The following NFKB1 variants were observed in gnomAD, a reference collection of about 807,000 sequenced individuals.
NFKB1 encodes nuclear factor kappa B subunit 1.
In NFKB1, 9 loss-of-function variants were observed where a neutral mutation model predicts 105.1. The ratio of observed to expected loss-of-function variants is 0.09; its 90% CI spans 0.05 to 0.15. NFKB1 has a LOEUF of 0.15. NFKB1 is among the 10% of genes least tolerant of loss of function. NFKB1 has a pLI of 1.00. For synonymous variants in NFKB1, 440 were observed against 442.2 expected (o/e 1.00, Z 0.06); for missense variants, 830 against 1,203.7 (o/e 0.69, Z 4.59).
chr4:102,533,036 A>T (rs1741400307), intron 3 of NFKB1, among the ~76,000 whole-genome samples: 2 of 152,186 alleles, frequency 1.3e-5, no homozygotes, highest in Non-Finnish European at 2.9e-5. Flanking sequence ...TTGCGTTTTT[A>T]CAATAACTAA....
At chr4:102,551,142 A>C (rs1379769890) in intron 5 of NFKB1, among the ~76,000 whole-genome samples, 1 of 152,062 alleles carries the variant, frequency 6.6e-6, no homozygotes, top group African/African-American at 2.4e-5. Flanking sequence ...CCTTCCTTAC[A>C]TTTATGTAGC....
At chr4:102,612,816 A>T (rs1190724442) in intron 22 of NFKB1, among the ~76,000 whole-genome samples, 1 of 152,144 alleles carries the variant, frequency 6.6e-6, no homozygotes, top group Non-Finnish European at 1.5e-5. Context: ...CCCCGTTTTC[A>T]AATACCTGGA....
chr4:102,565,379 G>C (rs1430746900), intron 5 of NFKB1, among the ~76,000 whole-genome samples: 2 of 152,214 alleles, frequency 1.3e-5, no homozygotes, highest in Non-Finnish European at 2.9e-5. Flanking sequence ...CTTTGTTGAC[G>C]AGTGAAACTT....
At chr4:102,538,765 G>A (rs1350783476) in intron 5 of NFKB1, among the ~76,000 whole-genome samples, 1 of 152,180 alleles carries the variant, frequency 6.6e-6, no homozygotes, top group Admixed American at 6.5e-5. Context: ...GTCAACAATT[G>A]TAATTTAGTT....
At chr4:102,515,150 G>A (rs1300868177) in intron 1 of NFKB1, among the ~76,000 whole-genome samples, 49 of 116,760 alleles carry the variant, frequency 4.2e-4, no homozygotes, top group Non-Finnish European at 7.4e-4. Flanking sequence ...TCGCTCTGTC[G>A]CCCAGGCTGG....
At chr4:102,589,914 G>A (rs570600971) in intron 11 of NFKB1, among the ~76,000 whole-genome samples, 3 of 152,192 alleles carry the variant, frequency 2.0e-5, no homozygotes, top group African/African-American at 7.2e-5. Context: ...AGGCAGTAAC[G>A]GAACTCAAAA....
At chr4:102,506,006 C>T (rs760576134) in intron 1 of NFKB1, among the ~76,000 whole-genome samples, 1 of 152,018 alleles carries the variant, frequency 6.6e-6, no homozygotes, top group South Asian at 2.1e-4. Flanking sequence ...TATCTAAAGA[C>T]CACTTGAAGT....
At chr4:102,594,314 A>G (rs539093233) in intron 12 of NFKB1, among the ~76,000 whole-genome samples, 25 of 152,316 alleles carry the variant, frequency 1.6e-4, no homozygotes, top group Admixed American at 7.2e-4. Context: ...TGCTATACTG[A>G]ACCTCTGTCC....
At chr4:102,533,771 T>A in intron 3 of NFKB1, 74 bp from the exon 4 acceptor site, 1 of 1,263,664 alleles carries the variant, frequency 7.9e-7, no homozygotes, top group Non-Finnish European at 1.1e-6. Flanking sequence ...GTTTTTTACT[T>A]GCTTTACGTT....
At chr4:102,613,677 T>A in intron 23 of NFKB1, 96 bp downstream of exon 23, 1 of 1,389,532 alleles carries the variant, frequency 7.2e-7, no homozygotes, top group Non-Finnish European at 9.7e-7. Flanking sequence ...GTTTTCTTTC[T>A]CGTTTTCTGG....
rs140120771 is a variant in NFKB1 at position 102,539,166 on chromosome 4, A to T, written c.258+1210A>T. ...GCACAAGAATCGCTTGAACCTGGGA[A>T]GCGGAGGTTGCAGTGAGCCGAGACT... is the stretch of plus-strand genomic sequence containing the variant. On this transcript the variant is annotated intron_variant, in intron 5 of 23. Coordinates refer to ENST00000226574, the MANE Select transcript of NFKB1 (RefSeq NM_003998.4). Among the ~76,000 whole-genome samples, 22 of 147,766 alleles carry T rather than the reference A, an allele frequency of 1.5e-4. No individual in the cohort carries two copies. In the East Asian group the frequency reaches 4.5e-3, roughly 30 times the overall value.
chr4:102,592,588 G>C (rs535627065), intron 11 of NFKB1, among the ~76,000 whole-genome samples: 58 of 152,238 alleles, frequency 3.8e-4, no homozygotes, highest in Middle Eastern at 6.8e-3. Context: ...AAGACATTCT[G>C]TTGCACACTT....
At chr4:102,516,186 T>C (rs1740170503) in intron 1 of NFKB1, among the ~76,000 whole-genome samples, 2 of 152,150 alleles carry the variant, frequency 1.3e-5, no homozygotes, top group South Asian at 4.2e-4. Flanking sequence ...ATTTTTTTTT[T>C]CTCTAGCATT....
chr4:102,594,979 A>T lies in NFKB1; in HGVS notation c.1298A>T (p.His433Leu). The T allele has an allele frequency of 6.3e-7, 1 of 1,596,810 alleles. No individual in the cohort carries two copies. Among genetic ancestry groups the T allele is most frequent in the Non-Finnish European group, 8.6e-7 (1 of 1,165,932 alleles). ...GTTKSNAGMK[H>L]GTMDTESKKD... is the part of the protein sequence containing the mutation. ...ACTAAATCTAATGCTGGGATGAAGC[A>T]TGGTAAGTAATGCTTTGTTCTTAAT... The change falls in exon 13 of 24, where the codon CAT (histidine) becomes CTT (leucine). Residue 433 changes from histidine (H) to leucine (L), a missense_variant and splice_region_variant. Physicochemically the swap from His to Leu is moderately conservative, Grantham distance 99. Coordinates refer to ENST00000226574, the MANE Select transcript of NFKB1 (RefSeq NM_003998.4).
chr4:102,552,003 C>T (rs1722656411), intron 5 of NFKB1, among the ~76,000 whole-genome samples: 1 of 152,130 alleles, frequency 6.6e-6, no homozygotes, highest in Non-Finnish European at 1.5e-5. Context: ...CAACATGAAC[C>T]AGCAATGCAA....
chr4:102,591,977 T>C (rs1481426146), intron 11 of NFKB1, among the ~76,000 whole-genome samples: 3 of 152,214 alleles, frequency 2.0e-5, no homozygotes, highest in African/African-American at 4.8e-5. Flanking sequence ...TTGGAAGAAA[T>C]TGATTCCAGC....
intron 2 of NFKB1, among the ~76,000 whole-genome samples, chr4:102,526,428 C>T (rs1740916528): frequency 6.6e-6 from 1 of 151,948 alleles, no homozygotes; most frequent in African/African-American, 2.4e-5. Context: ...GTTGGATACC[C>T]TAAAAACCCT....
chr4:102,600,986 A>G lies in NFKB1; in HGVS notation c.1729A>G (p.Asn577Asp). 1 of 1,601,488 alleles carries G rather than the reference A, an allele frequency of 6.2e-7. No individual in the cohort carries two copies. The highest frequency in any genetic ancestry group is 1.1e-5 in the South Asian group (1 of 90,706). ...TGGTTTGATTTCTGATGACATTATC[A>G]ACATGAGAAATGATCTGTACCAGGT... is the stretch of plus-strand genomic sequence containing the variant. ...TSGLISDDIINMRNDLYQTPL... is the reference protein window; with the variant it reads ...TSGLISDDIIDMRNDLYQTPL... Residue 577 changes from asparagine to aspartate, a missense_variant, in exon 16 of 24, where the codon AAC (asparagine) becomes GAC (aspartate). Physicochemically the swap from Asn to Asp is conservative, Grantham distance 23 (BLOSUM62 1). Transcript: ENST00000226574.
At chr4:102,602,206 T>C (rs1283476138) in intron 16 of NFKB1, among the ~76,000 whole-genome samples, 1 of 152,088 alleles carries the variant, frequency 6.6e-6, no homozygotes, top group South Asian at 2.1e-4. Flanking sequence ...AATTAAAATA[T>C]CTATTTTCTT....
Sources: allele counts gnomAD v4.1 joint callset (sites outside exome capture counted in the v4.1 genomes callset), GRCh38; gene constraint gnomAD v4.1.1; transcripts MANE v1.5; gene names NCBI Gene and HGNC (gene_info 2026-07-23, HGNC 2026-07-21).